SMPD4: variants seen among roughly 807,000 people sequenced by gnomAD.
SMPD4 encodes the protein sphingomyelin phosphodiesterase 4.
In SMPD4, 58 loss-of-function variants were observed where a neutral mutation model predicts 97.8. That is an observed-to-expected ratio of 0.59 (90% confidence interval 0.48 to 0.74). SMPD4 has a LOEUF of 0.74. Among genes scored for constraint, SMPD4 ranks in the 30% least tolerant of loss-of-function variants. The pLI is 0.00. For synonymous variants in SMPD4, 388 were observed against 450.0 expected (o/e 0.86, Z 1.74); for missense variants, 853 against 1,080.5 (o/e 0.79, Z 2.95).
At chr2:130,161,655 G>C (rs967828151) in intron 10 of SMPD4, among the ~76,000 whole-genome samples, 1 of 152,116 alleles carries the variant, frequency 6.6e-6, no homozygotes, top group Admixed American at 6.5e-5. Flanking sequence ...CTTCAAGACG[G>C]GACCCACTCT....
chr2:130,153,296 C>T, intron 18 of SMPD4, 23 bp downstream of exon 18: 1 of 1,613,520 alleles, frequency 6.2e-7, no homozygotes, highest in Non-Finnish European at 8.5e-7. Context: ...AGCCTGTGCG[C>T]CTCTGAGACA....
chr2:130,170,792 C>A (rs1455567816), intron 8 of SMPD4, among the ~76,000 whole-genome samples: 1 of 151,854 alleles, frequency 6.6e-6, no homozygotes, highest in Non-Finnish European at 1.5e-5. Context: ...GGTGCAGTAG[C>A]TCACACCTGT....
At chr2:130,173,867 C>T (rs1182002280) in intron 3 of SMPD4, among the ~76,000 whole-genome samples, 1 of 151,932 alleles carries the variant, frequency 6.6e-6, no homozygotes, top group African/African-American at 2.4e-5. Context: ...CATGGCATAC[C>T]AAGCAGTGTT....
chr2:130,152,349 CCTGGCAG>C lies in SMPD4; in HGVS notation c.*199_*205del, dbSNP rs1481021800. 3.3e-6 allele frequency: 2 copies of C among 609,246 alleles called. No homozygotes were observed. Among genetic ancestry groups the C allele is most frequent in the African/African-American group, 3.7e-5 (2 of 54,024 alleles). 37.7% of individuals were successfully genotyped at this position (609,246 alleles called of 1,614,324 possible). On this transcript the variant is annotated 3_prime_UTR_variant, in exon 20 of 20. Transcript: ENST00000680298. ...CTGTCACAGAGCGTAGCTGTTGAGCCCTGGCAGCTACTCCTTTGCTGGGGCCCACCTG... is the reference window on the plus strand; with the variant it reads ...CTGTCACAGAGCGTAGCTGTTGAGCCCTACTCCTTTGCTGGGGCCCACCTG...
Position 130,154,390 on chromosome 2 carries a change from G to A in SMPD4, c.1546C>T (p.Pro516Ser), listed in dbSNP as rs1686555600. The change falls in exon 16 of 20, where the codon CCC (proline) becomes TCC (serine). Residue 516 changes from proline (P) to serine (S), a missense_variant. Physicochemically the swap from Pro to Ser is moderately conservative, Grantham distance 74. Transcript: ENST00000680298. The part of the protein sequence containing the change: ...APTFTGSFLS[P>S]WPPAVTDASF... ...GCATCAGTGACCGCTGGTGGCCAGG[G>A]TGACAGGAAGCTCCCAGTGAATGTG... The A allele has an allele frequency of 1.9e-6, 3 of 1,606,884 alleles. No homozygotes were observed. The highest frequency in any genetic ancestry group is 2.5e-6 in the Non-Finnish European group (3 of 1,176,714).
chr2:130,164,623 G>A (rs776506568), intron 9 of SMPD4, among the ~76,000 whole-genome samples, 178 bp from the exon 10 acceptor site: 3 of 152,086 alleles, frequency 2.0e-5, no homozygotes, highest in East Asian at 1.9e-4. Flanking sequence ...ATGGGTAAGC[G>A]ACCTGAGGAT....
intron 8 of SMPD4, among the ~76,000 whole-genome samples, chr2:130,170,788 G>A (rs1411244005): frequency 6.6e-6 from 1 of 151,802 alleles, no homozygotes; most frequent in African/African-American, 2.4e-5. Flanking sequence ...GCTGGGTGCA[G>A]TAGCTCACAC....
chr2:130,161,538 G>T (rs931076557), intron 10 of SMPD4, among the ~76,000 whole-genome samples: 2 of 152,294 alleles, frequency 1.3e-5, no homozygotes, highest in African/African-American at 4.8e-5. Context: ...CACTCTCCTC[G>T]CTTTGAAGGC....
rs557165722 is a variant in SMPD4 at position 130,173,796 on chromosome 2, A to G, written c.127-140T>C. On this transcript the variant is annotated intron_variant, in intron 3 of 19. Coordinates refer to ENST00000680298, the MANE Select transcript of SMPD4 (RefSeq NM_017951.5). ...ACCTATGGGATCAGCCCTGCACCCA[A>G]AGGAAGCCTGGTGCCATGGTGCCAA... is the stretch of plus-strand genomic sequence containing the variant. The G allele has an allele frequency of 6.3e-6, 7 of 1,117,042 alleles. No homozygotes were observed. In the African/African-American group the frequency reaches 1.1e-4, roughly 18 times the overall value. 69.2% of individuals were successfully genotyped at this position (1,117,042 alleles called of 1,614,324 possible).
At position 130,174,983 on chromosome 2, in the gene SMPD4, G is replaced by A. The variant is rs752177878; in HGVS notation, c.57C>T (p.Asp19=). 1.7e-5 allele frequency: 27 copies of A among 1,607,474 alleles called. No homozygotes were observed. The highest frequency in any genetic ancestry group is 2.3e-5 in the Non-Finnish European group (27 of 1,174,422). ...PSFLLASLKA[D]SINKPFAQQC... ...GCTGTGCAAAGGGCTTATTTATAGA[G>A]TCAGCTTTCAGGCTAGCCTAGAAGA... The change falls in exon 3 of 20, where the codon GAC becomes GAT. Residue 19 remains aspartate, a synonymous_variant. Coordinates refer to ENST00000680298, the MANE Select transcript of SMPD4 (RefSeq NM_017951.5).
At position 130,153,950 on chromosome 2, in the gene SMPD4, C is replaced by A; in HGVS notation, c.1660-15G>T. On this transcript the variant is annotated splice_polypyrimidine_tract_variant and intron_variant, in intron 16 of 19. Transcript: ENST00000680298. The stretch of plus-strand genomic sequence containing the variant: ...AGGCGCAGGACCTGCAAGGGAGGCG[C>A]GGGCAGGTCACCAGCAGGACAGGCC... The A allele has an allele frequency of 6.4e-7, 1 of 1,552,914 alleles. No individual in the cohort carries two copies. The highest frequency in any genetic ancestry group is 8.8e-7 in the Non-Finnish European group (1 of 1,132,192).
At position 130,156,629 on chromosome 2, in the gene SMPD4, G is replaced by C. The variant is rs138211555; in HGVS notation, c.1144C>G (p.Gln382Glu). The change falls in exon 13 of 20, where the codon CAG (glutamine) becomes GAG (glutamate). Residue 382 changes from glutamine (Q) to glutamate (E), a missense_variant. By Grantham distance (29) the Gln-to-Glu change is conservative (BLOSUM62 2). Coordinates refer to ENST00000680298, the MANE Select transcript of SMPD4 (RefSeq NM_017951.5). ...FVQQKLYLFL[Q>E]HCFGHWPLDA... ...AGGGGCCAGTGGCCAAAGCAATGCT[G>C]CAAGAAGAGGTAGAGTTTCTGCTGG... 2.2e-5 allele frequency: 35 copies of C among 1,613,842 alleles called. No homozygotes were observed. Among genetic ancestry groups the C allele is most frequent in the Middle Eastern group, 1.7e-4 (1 of 6,060 alleles).
rs531954141 is a variant in SMPD4, at chr2:130,155,920, C to A, written c.1289+115G>T. On this transcript the variant is annotated intron_variant, in intron 14 of 19. Coordinates refer to ENST00000680298, the MANE Select transcript of SMPD4 (RefSeq NM_017951.5). ...GCTGGGAGAGGACTTCAGGAGGCCA[C>A]GGGGGCCAGGGCCAGGCTGACCCCA... 2.9e-6 allele frequency: 3 copies of A among 1,044,288 alleles called. No individual in the cohort carries two copies. The East Asian group carries it at 7.5e-5, about 26-fold the overall frequency. 64.7% of individuals were successfully genotyped at this position (1,044,288 alleles called of 1,614,324 possible).
intron 11 of SMPD4, chr2:130,157,611 T>A: frequency 9.9e-7 from 1 of 1,005,300 alleles, no homozygotes; most frequent in Non-Finnish European, 1.4e-6. Flanking sequence ...GACCAGCTTG[T>A]GGTATGGAAG....
At chr2:130,156,701 G>A in intron 12 of SMPD4, 26 bp from the exon 13 acceptor site, 1 of 1,606,164 alleles carries the variant, frequency 6.2e-7, no homozygotes, top group Non-Finnish European at 8.5e-7. Context: ...AGGGTCACCT[G>A]CTGCTTGCCC....
intron 14 of SMPD4, 61 bp from the exon 15 acceptor site, chr2:130,155,320 C>G: frequency 5.0e-6 from 8 of 1,597,668 alleles, no homozygotes; most frequent in Non-Finnish European, 6.8e-6. Flanking sequence ...CCCTAATGCC[C>G]GGTCCGTGCC....
intron 1 of SMPD4, 66 bp from the exon 2 acceptor site, chr2:130,176,703 T>C: frequency 7.4e-7 from 1 of 1,359,092 alleles, no homozygotes; most frequent in South Asian, 1.3e-5. Flanking sequence ...TATTATTTTT[T>C]TAGAGACAGG....
intron 1 of SMPD4, among the ~76,000 whole-genome samples, chr2:130,179,170 C>G (rs570656191): frequency 6.7e-6 from 1 of 148,878 alleles, no homozygotes; most frequent in Non-Finnish European, 1.5e-5. Flanking sequence ...GTTGCCCAGG[C>G]TAGAGTCCTG....
intron 1 of SMPD4, among the ~76,000 whole-genome samples, 196 bp from the exon 2 acceptor site, chr2:130,176,833 A>G (rs1451076754): frequency 2.0e-5 from 3 of 152,098 alleles, no homozygotes; most frequent in East Asian, 3.9e-4. Flanking sequence ...ACGTGCCACT[A>G]TGCCTGGCTA....
Sources: gnomAD v4.1 joint callset for allele counts (sites outside exome capture counted in the v4.1 genomes callset) on GRCh38, gnomAD v4.1.1 for gene constraint, MANE v1.5 for transcripts, NCBI Gene and HGNC (gene_info 2026-07-23, HGNC 2026-07-21) for gene names.